The following ZNF362 variants were observed in gnomAD, a reference collection of about 807,000 sequenced individuals.
ZNF362 encodes the protein rotund homolog.
ZNF362 carries 11 observed loss-of-function variants against 42.9 expected under a neutral mutation model. The ratio of observed to expected loss-of-function variants is 0.26; its 90% CI spans 0.16 to 0.42. The LOEUF is 0.42. ZNF362 is among the 20% of genes least tolerant of loss of function. ZNF362 has a pLI of 1.00. For missense variants in ZNF362, 362 were observed against 576.2 expected, an observed-to-expected ratio of 0.63 and a Z score of 3.81; for synonymous variants, 255 against 257.3, an observed-to-expected ratio of 0.99 and a Z score of 0.09.
At chr1:33,283,138 A>G (rs1646008418) in intron 6 of ZNF362, among the ~76,000 whole-genome samples, 1 of 151,968 alleles carries the variant, frequency 6.6e-6, no homozygotes, top group African/African-American at 2.4e-5. Flanking sequence ...GAAGGGCTCT[A>G]TTTTTTTGAG....
chr1:33,196,037 T>C, the ZNF362 span: 1 of 152,196 alleles, frequency 6.6e-6, no homozygotes, highest in Non-Finnish European at 1.5e-5. Context: ...CTTTTTGTAT[T>C]TTTTAAATTA....
the ZNF362 span, among the ~76,000 whole-genome samples, chr1:33,185,927 T>A: frequency 0.75 from 114,175 of 152,142 alleles, 42,850 homozygotes; most frequent in Admixed American, 0.78. Context: ...AATTGTGTTC[T>A]TTTGTGGGCT....
In ZNF362 at chr1:33,266,442, T is replaced by C. The variant is rs1375088091; in HGVS notation, c.-88-4045T>C. Reference sequence around the variant, plus strand: ...TAAAGCATATTTAGGTGCATGGTATTAATACAAAGGTGGGGTAGGGAGAAG... The same window carrying C: ...TAAAGCATATTTAGGTGCATGGTATCAATACAAAGGTGGGGTAGGGAGAAG... On this transcript the variant is annotated intron_variant, in intron 1 of 8. Transcript: ENST00000539719. The surrounding 1 kb of genome is among the most constrained non-coding windows in gnomAD (Gnocchi z 4.3). 1.3e-5 allele frequency among the ~76,000 whole-genome samples: 2 copies of C among 152,148 alleles called. No individual in the cohort carries two copies. The highest frequency in any genetic ancestry group is 3.9e-4 in the East Asian group (2 of 5,190).
intron 1 of ZNF362, among the ~76,000 whole-genome samples, chr1:33,268,041 T>C (rs551234790): frequency 6.6e-6 from 1 of 152,370 alleles, no homozygotes; most frequent in African/African-American, 2.4e-5. Flanking sequence ...TTATTTCTTT[T>C]TCCTATTTTG....
At chr1:33,297,022 G>A (rs766092361) in intron 8 of ZNF362, among the ~76,000 whole-genome samples, 3 of 152,128 alleles carry the variant, frequency 2.0e-5, no homozygotes, top group Non-Finnish European at 4.4e-5. Context: ...ATGGATCATA[G>A]GTGGGGTTGT....
the ZNF362 span, among the ~76,000 whole-genome samples, chr1:33,184,134 G>A: frequency 1.3e-5 from 2 of 152,146 alleles, no homozygotes; most frequent in Admixed American, 1.3e-4. Context: ...TTTGTGAGGA[G>A]GTGGAATAAA....
rs1179790395 is a variant in ZNF362 at position 33,270,668 on chromosome 1, G to C, written c.38+56G>C. 3.8e-6 allele frequency: 6 copies of C among 1,596,010 alleles called. No individual in the cohort carries two copies. The African/African-American group carries it at 8.1e-5, about 21-fold the overall frequency. On this transcript the variant is annotated intron_variant, in intron 2 of 8. Coordinates refer to ENST00000539719, the MANE Select transcript of ZNF362 (RefSeq NM_152493.3). ...TGTCAATGAGGGTTTGTTCTTTGGG[G>C]GATTAAAGCATTGTGTTCGTCCCAC... is the stretch of plus-strand genomic sequence containing the variant.
intron 1 of ZNF362, among the ~76,000 whole-genome samples, chr1:33,263,361 C>T (rs1242533078): frequency 6.6e-6 from 1 of 152,068 alleles, no homozygotes; most frequent in African/African-American, 2.4e-5. Context: ...TATATAGGTC[C>T]CTGCCCTAGC....
the ZNF362 span, among the ~76,000 whole-genome samples, chr1:33,201,781 G>A: frequency 6.6e-6 from 1 of 152,070 alleles, no homozygotes; most frequent in East Asian, 1.9e-4. Flanking sequence ...AAAATTCAAT[G>A]AAATAGAAAA....
the ZNF362 span, among the ~76,000 whole-genome samples, chr1:33,133,860 T>A: frequency 6.6e-6 from 1 of 152,220 alleles, no homozygotes; most frequent in African/African-American, 2.4e-5. Flanking sequence ...CCCTAGTGTT[T>A]GGCACTTAGA....
chr1:33,236,566 TATATATAC>T, the ZNF362 span, among the ~76,000 whole-genome samples: 3 of 88,252 alleles, frequency 3.4e-5, no homozygotes, highest in African/African-American at 1.2e-4. Context: ...TATATATATA[TATATATAC>T]ATACACACAC....
Position 33,276,170 on chromosome 1 carries a change from C to T in ZNF362, c.102+7C>T. The T allele has an allele frequency of 6.2e-7, 1 of 1,613,272 alleles. No individual in the cohort carries two copies. The highest frequency in any genetic ancestry group is 8.5e-7 in the Non-Finnish European group (1 of 1,179,948). ...TCCCACCATGCCCAGCCAGGTAAGA[C>T]TGACGTCGCCCCTCCGGCTGCCCTA... On this transcript the variant is annotated splice_region_variant and intron_variant, in intron 3 of 8. Coordinates refer to ENST00000539719, the MANE Select transcript of ZNF362 (RefSeq NM_152493.3).
At chr1:33,187,156 G>A in the ZNF362 span, among the ~76,000 whole-genome samples, 2 of 152,216 alleles carry the variant, frequency 1.3e-5, no homozygotes, top group African/African-American at 4.8e-5. Context: ...TATACACCAT[G>A]TTTGAGTGTT....
In ZNF362 at chr1:33,295,200, C is replaced by T. The variant is rs114867150; in HGVS notation, c.1041C>T (p.Tyr347=). 597 of 1,614,234 alleles carry T rather than the reference C, an allele frequency of 3.7e-4. 3 individuals carry two copies. The African/African-American group carries it at 6.5e-3, about 18-fold the overall frequency. ...AGCCCTACAAGTGTCCCAACTGCTA[C>T]CGGGCCTATTCGGACTCCGCTTCTT... ...KDKPYKCPNC[Y]RAYSDSASLQ... The change falls in exon 8 of 9, where the codon TAC becomes TAT. Residue 347 remains tyrosine (Y), a synonymous_variant. Transcript: ENST00000539719.
At chr1:33,147,651 A>C in the ZNF362 span, 3 of 1,613,834 alleles carry the variant, frequency 1.9e-6, no homozygotes, top group Non-Finnish European at 2.5e-6. This position sits in a 1 kb window ranked among gnomAD's most constrained non-coding sequence, Gnocchi z 8.1. Flanking sequence ...AGTTGCCGTA[A>C]GCCACAATGG....
chr1:33,205,510 TA>T, the ZNF362 span, among the ~76,000 whole-genome samples: 1 of 151,712 alleles, frequency 6.6e-6, no homozygotes, highest in Non-Finnish European at 1.5e-5. Context: ...GCAAAGGATC[TA>T]AAATAGAAAA....
At chr1:33,211,376 G>A in the ZNF362 span, among the ~76,000 whole-genome samples, 1 of 152,140 alleles carries the variant, frequency 6.6e-6, no homozygotes, top group African/African-American at 2.4e-5. Context: ...GGCTGGTACC[G>A]TTTGTTCATG....
chr1:33,130,272 C>T, the ZNF362 span, among the ~76,000 whole-genome samples: 1 of 152,168 alleles, frequency 6.6e-6, no homozygotes, highest in Non-Finnish European at 1.5e-5. Flanking sequence ...GGTGTGATTT[C>T]CTCCCGTTGA....
chr1:33,276,483 C>G lies in ZNF362; in HGVS notation c.238C>G (p.Gln80Glu). The G allele has an allele frequency of 6.3e-7, 1 of 1,589,590 alleles. No homozygotes were observed. The highest frequency in any genetic ancestry group is 8.5e-7 in the Non-Finnish European group (1 of 1,171,364). The stretch of plus-strand genomic sequence containing the variant: ...GCCGCCGGCACCCGCCGAGAGCAGC[C>G]AGGCCGTCATGTCGCTGCCCAAGCT... ...LVPPAPAESS[Q>E]AVMSLPKLQQ... is the part of the protein sequence containing the mutation. Residue 80 changes from glutamine to glutamate, a missense_variant, in exon 4 of 9, where the codon CAG becomes GAG. By Grantham distance (29) the Gln-to-Glu change is conservative. This residue lies in a region of ZNF362 where 266 missense variants were observed against 365.4 expected (regional missense o/e 0.73). Transcript: ENST00000539719.
Sources: allele counts gnomAD v4.1 joint callset (sites outside exome capture counted in the v4.1 genomes callset), GRCh38; gene constraint gnomAD v4.1.1; regional missense constraint gnomAD v4.1.1; non-coding constraint Gnocchi (gnomAD v3.1); transcripts MANE v1.5; gene names NCBI Gene and HGNC (gene_info 2026-07-23, HGNC 2026-07-21).